The following PCSK5 variants were observed in gnomAD, a reference collection of about 807,000 sequenced individuals.
PCSK5 encodes proprotein convertase subtilisin/kexin type 5.
PCSK5 carries 129 observed loss-of-function variants against 233.2 expected under a neutral mutation model. The observed-to-expected ratio is 0.55, with a 90% CI of 0.48 to 0.64. The LOEUF is 0.64. Among genes scored for constraint, PCSK5 ranks in the 30% least tolerant of loss-of-function variants. PCSK5 has a pLI of 0.00. For synonymous variants in PCSK5, 825 were observed against 879.2 expected (o/e 0.94, Z 1.09); for missense variants, 2,076 against 2,430.1 (o/e 0.85, Z 3.06).
chr9:76,244,342 T>C (rs78425509), intron 24 of PCSK5, among the ~76,000 whole-genome samples: 1,916 of 152,294 alleles, frequency 0.013, 36 homozygotes, highest in African/African-American at 0.043. Flanking sequence ...AAATACAAAC[T>C]TGAAAAATTT....
Position 76,239,008 on chromosome 9 carries a change from C to T in PCSK5, c.2916C>T (p.Ser972=), listed in dbSNP as rs764847983. 1 of 1,612,280 alleles carries T rather than the reference C, an allele frequency of 6.2e-7. No individual in the cohort carries two copies. Among genetic ancestry groups the T allele is most frequent in the Non-Finnish European group, 8.5e-7 (1 of 1,179,674 alleles). Residue 972 remains serine (S), a synonymous_variant, in exon 23 of 38, where the codon AGC becomes AGT. Transcript: ENST00000674117. The part of the protein sequence containing the change: ...HFLYQGECGD[S]CPEGHYATEG... Reference sequence around the variant, plus strand: ...TGTACCAGGGAGAGTGTGGAGATAGCTGCCCAGAGGGCCACTATGCCACTG... The same window carrying T: ...TGTACCAGGGAGAGTGTGGAGATAGTTGCCCAGAGGGCCACTATGCCACTG...
chr9:75,970,124 T>C (rs4073761), intron 2 of PCSK5, among the ~76,000 whole-genome samples: 122,051 of 152,006 alleles, frequency 0.8, 49,333 homozygotes, highest in Non-Finnish European at 0.85. Context: ...CCGCCCACCT[T>C]GGCCTCCCAA....
At chr9:76,095,214 C>CTAAT (rs1831458179) in intron 7 of PCSK5, among the ~76,000 whole-genome samples, 1 of 152,220 alleles carries the variant, frequency 6.6e-6, no homozygotes, top group Non-Finnish European at 1.5e-5. Context: ...AGTGTCTACA[C>CTAAT]CACTCATGGG....
At chr9:75,900,101 C>T (rs1056867600) in intron 1 of PCSK5, among the ~76,000 whole-genome samples, 2 of 152,144 alleles carry the variant, frequency 1.3e-5, no homozygotes, top group African/African-American at 2.4e-5. Flanking sequence ...TATCCACCTG[C>T]CAGCCTCCAT....
At chr9:76,333,247 A>G (rs529080472) in intron 34 of PCSK5, among the ~76,000 whole-genome samples, 3 of 152,356 alleles carry the variant, frequency 2.0e-5, no homozygotes, top group African/African-American at 7.2e-5. Context: ...CTTTCCTCAG[A>G]GAAGCCCAAG....
chr9:76,014,952 AAGAG>A (rs1392234013), intron 3 of PCSK5, among the ~76,000 whole-genome samples: 1 of 152,124 alleles, frequency 6.6e-6, no homozygotes, highest in African/African-American at 2.4e-5. Context: ...TATCTGGAGA[AAGAG>A]AGAGAAAGAG....
intron 3 of PCSK5, among the ~76,000 whole-genome samples, chr9:75,996,386 G>A (rs1403643886): frequency 6.6e-6 from 1 of 152,162 alleles, no homozygotes; most frequent in East Asian, 1.9e-4. Flanking sequence ...CATTTTATGG[G>A]TAGGGATTTG....
chr9:76,148,575 C>T (rs1413974304), intron 10 of PCSK5, among the ~76,000 whole-genome samples: 1 of 152,104 alleles, frequency 6.6e-6, no homozygotes, highest in Admixed American at 6.5e-5. Flanking sequence ...AAACAGAAGC[C>T]ATCAGTCATC....
intron 10 of PCSK5, among the ~76,000 whole-genome samples, chr9:76,138,394 T>C (rs1416492946): frequency 6.6e-6 from 1 of 152,064 alleles, no homozygotes; most frequent in African/African-American, 2.4e-5. Flanking sequence ...CCAGCTCCAT[T>C]TGGGCATATA....
intron 8 of PCSK5, among the ~76,000 whole-genome samples, chr9:76,103,515 A>G (rs1034887809): frequency 1.3e-5 from 2 of 152,188 alleles, no homozygotes; most frequent in Admixed American, 6.5e-5. Flanking sequence ...CTAAAATCAA[A>G]GGTCCAATCA....
intron 5 of PCSK5, among the ~76,000 whole-genome samples, chr9:76,037,232 G>C (rs1190344529): frequency 6.6e-6 from 1 of 152,032 alleles, no homozygotes; most frequent in Non-Finnish European, 1.5e-5. Flanking sequence ...TTGTAGTGAG[G>C]GGAAAAAAGC....
At chr9:76,191,589 G>A (rs981249354) in intron 20 of PCSK5, among the ~76,000 whole-genome samples, 4 of 152,180 alleles carry the variant, frequency 2.6e-5, no homozygotes, top group African/African-American at 9.7e-5. Flanking sequence ...AGCATCGTAG[G>A]TGACTTTGCA....
chr9:76,287,219 G>C, intron 24 of PCSK5: 1 of 219,040 alleles, frequency 4.6e-6, no homozygotes, highest in Admixed American at 4.2e-5. Context: ...GGCTTCTCAT[G>C]TCTCTATCGA....
Position 76,358,758 on chromosome 9 carries a change from G to A in PCSK5, c.5500G>A (p.Val1834Met). ...RESTSFEEDQ[V>M]IEYRDRDYDE... is the part of the protein sequence containing the mutation. Reference sequence around the variant, plus strand: ...GAGCACCAGCTTTGAAGAGGATCAGGTGATTGAGTACAGGGATCGGGACTA... The same window carrying A: ...GAGCACCAGCTTTGAAGAGGATCAGATGATTGAGTACAGGGATCGGGACTA... The change falls in exon 38 of 38, where the codon GTG becomes ATG. Residue 1834 changes from valine (V) to methionine (M), a missense_variant. Coordinates refer to ENST00000674117, the MANE Select transcript of PCSK5 (RefSeq NM_001372043.1). 6.2e-7 allele frequency: 1 copy of A among 1,612,934 alleles called. No homozygotes were observed. Among genetic ancestry groups the A allele is most frequent in the Non-Finnish European group, 8.5e-7 (1 of 1,179,898 alleles).
intron 2 of PCSK5, among the ~76,000 whole-genome samples, chr9:75,951,855 T>C (rs1206316642): frequency 1.3e-5 from 2 of 152,238 alleles, no homozygotes; most frequent in African/African-American, 4.8e-5. Flanking sequence ...GCTAAAAGTA[T>C]ATAAGCTACA....
At position 75,930,620 on chromosome 9, in the gene PCSK5, C is replaced by A. The variant is rs181620677; in HGVS notation, c.193-1759C>A. ...GGCAGGGGTAGGCCATAGAACACAGCCAGATTTGTATTTTGAAAGCCTCAT... is the reference window on the plus strand; with the variant it reads ...GGCAGGGGTAGGCCATAGAACACAGACAGATTTGTATTTTGAAAGCCTCAT... On this transcript the variant is annotated intron_variant, in intron 1 of 37. Transcript: ENST00000674117. Among the ~76,000 whole-genome samples, 140 of 152,216 alleles carry A rather than the reference C, an allele frequency of 9.2e-4. 2 individuals are homozygous for A. In the South Asian group the frequency reaches 0.019, roughly 21 times the overall value.
At chr9:76,312,400 T>C (rs1184555817) in intron 30 of PCSK5, among the ~76,000 whole-genome samples, 2 of 151,608 alleles carry the variant, frequency 1.3e-5, no homozygotes, top group Non-Finnish European at 2.9e-5. Context: ...TCCCAGCTAC[T>C]CGGGAGGCTG....
At chr9:76,240,484 G>T in intron 23 of PCSK5, 132 bp from the exon 24 acceptor site, 1 of 661,298 alleles carries the variant, frequency 1.5e-6, no homozygotes, top group Non-Finnish European at 2.7e-6. Flanking sequence ...TATCCTCGAG[G>T]ACGGTTTTGG....
At chr9:76,352,509 G>C (rs537658584) in intron 36 of PCSK5, among the ~76,000 whole-genome samples, 1 of 152,178 alleles carries the variant, frequency 6.6e-6, no homozygotes, top group African/African-American at 2.4e-5. Context: ...TGGTTGAAAT[G>C]CTTCTGACCA....
Sources: allele counts gnomAD v4.1 joint callset (sites outside exome capture counted in the v4.1 genomes callset), GRCh38; gene constraint gnomAD v4.1.1; transcripts MANE v1.5; gene names NCBI Gene and HGNC (gene_info 2026-07-23, HGNC 2026-07-21).